Variants in PTBP2 observed in about 807,000 individuals in gnomAD.
PTBP2 encodes the protein polypyrimidine tract-binding protein 2.
In PTBP2, 13 loss-of-function variants were observed where a neutral mutation model predicts 61.4. The ratio of observed to expected loss-of-function variants is 0.21; its 90% confidence interval spans 0.14 to 0.34. PTBP2 has a LOEUF of 0.34. PTBP2 is among the 10% of genes least tolerant of loss of function. PTBP2 has a pLI of 1.00. For synonymous variants in PTBP2, 215 were observed against 218.5 expected (o/e 0.98, Z 0.14); for missense variants, 405 against 642.6 (o/e 0.63, Z 4.00).
chr1:96,762,911 C>G (rs1263504165), intron 3 of PTBP2, among the ~76,000 whole-genome samples: 1 of 150,626 alleles, frequency 6.6e-6, no homozygotes, highest in South Asian at 2.1e-4. Context: ...GGGTCGCGGC[C>G]GGGTAGAGGC....
intron 9 of PTBP2, 104 bp downstream of exon 9, chr1:96,805,043 C>T: frequency 1.1e-6 from 1 of 877,248 alleles, no homozygotes; most frequent in Non-Finnish European, 1.7e-6. Context: ...TATGTACATT[C>T]ATTAGTCAAA....
At chr1:96,732,684 G>C (rs1201278679) in intron 2 of PTBP2, among the ~76,000 whole-genome samples, 2 of 152,190 alleles carry the variant, frequency 1.3e-5, no homozygotes, top group Admixed American at 1.3e-4. Flanking sequence ...AGGAAAGATT[G>C]GTTTGGGTTG....
At chr1:96,748,064 C>T (rs919927211) in intron 2 of PTBP2, among the ~76,000 whole-genome samples, 1 of 152,102 alleles carries the variant, frequency 6.6e-6, no homozygotes, top group African/African-American at 2.4e-5. Flanking sequence ...CAGGAATACT[C>T]ACCTGGGTAC....
intron 8 of PTBP2, among the ~76,000 whole-genome samples, chr1:96,791,836 T>TTTTTTTTG (rs1553184761): frequency 4.3e-4 from 59 of 136,036 alleles, no homozygotes; most frequent in Non-Finnish European, 8.3e-4. Flanking sequence ...CTTTTTTTTT[T>TTTTTTTTG]TTTTTTTTTT....
At chr1:96,789,878 T>G (rs1209088044) in intron 8 of PTBP2, among the ~76,000 whole-genome samples, 1 of 152,122 alleles carries the variant, frequency 6.6e-6, no homozygotes, top group Non-Finnish European at 1.5e-5. Flanking sequence ...TTACATTTTC[T>G]TACCAAACCA....
intron 2 of PTBP2, among the ~76,000 whole-genome samples, chr1:96,738,758 A>G (rs758278934): frequency 6.6e-6 from 1 of 152,342 alleles, no homozygotes; most frequent in Admixed American, 6.5e-5. Flanking sequence ...TTAAATACCA[A>G]AATACCACTT....
intron 11 of PTBP2, among the ~76,000 whole-genome samples, chr1:96,808,835 T>C (rs966322599): frequency 1.3e-5 from 2 of 151,630 alleles, no homozygotes; most frequent in African/African-American, 4.8e-5. Flanking sequence ...ACGCATACAC[T>C]CCCACACAAA....
At chr1:96,802,231 A>G (rs943494849) in intron 8 of PTBP2, among the ~76,000 whole-genome samples, 1 of 151,004 alleles carries the variant, frequency 6.6e-6, no homozygotes, top group East Asian at 1.9e-4. Context: ...AAAAAAAAAA[A>G]AAGAACCCAC....
intron 3 of PTBP2, among the ~76,000 whole-genome samples, chr1:96,768,280 A>G (rs768224331): frequency 1.3e-5 from 2 of 152,100 alleles, no homozygotes; most frequent in Non-Finnish European, 2.9e-5. Context: ...AAACATTGCT[A>G]GACACATCCC....
intron 2 of PTBP2, among the ~76,000 whole-genome samples, chr1:96,728,360 G>A (rs572486628): frequency 6.6e-6 from 1 of 152,256 alleles, no homozygotes; most frequent in East Asian, 1.9e-4. Context: ...TTAATATTTT[G>A]AATATGGTAC....
chr1:96,795,178 AACTG>A (rs1281202359), intron 8 of PTBP2, among the ~76,000 whole-genome samples: 4 of 152,220 alleles, frequency 2.6e-5, no homozygotes, highest in African/African-American at 9.6e-5. Context: ...AGTTTTAAGA[AACTG>A]ACTGTGGCTC....
chr1:96,751,560 C>T (rs1450627216), intron 3 of PTBP2, 60 bp downstream of exon 3: 1 of 1,299,082 alleles, frequency 7.7e-7, no homozygotes, highest in Non-Finnish European at 1.1e-6. Context: ...AATGTTAAAA[C>T]TCAAATTTAA....
intron 3 of PTBP2, 70 bp downstream of exon 3, chr1:96,751,570 A>T (rs1654548630): frequency 1.8e-6 from 2 of 1,113,670 alleles, no homozygotes; most frequent in Non-Finnish European, 2.6e-6. Flanking sequence ...CTCAAATTTA[A>T]CCCTGTTATA....
chr1:96,791,826 C>CTTTTTTTTTTTTTTTTTT (rs1163642886), intron 8 of PTBP2, among the ~76,000 whole-genome samples: 3 of 66,124 alleles, frequency 4.5e-5, no homozygotes, highest in African/African-American at 2.5e-4. Context: ...TGGAGTTGTG[C>CTTTTTTTTTTTTTTTTTT]TTTTTTTTTT....
chr1:96,782,255 G>T (rs986562066), intron 7 of PTBP2, among the ~76,000 whole-genome samples: 1 of 151,832 alleles, frequency 6.6e-6, no homozygotes, highest in African/African-American at 2.4e-5. Context: ...CATATAAGTG[G>T]GTTGTTTCTT....
chr1:96,746,279 C>T (rs1570763258), intron 2 of PTBP2, among the ~76,000 whole-genome samples: 1 of 152,036 alleles, frequency 6.6e-6, no homozygotes. Context: ...TTTATGTTCT[C>T]ACCAGTAGTG....
intron 3 of PTBP2, among the ~76,000 whole-genome samples, chr1:96,763,004 C>T (rs1465115822): frequency 1.3e-5 from 2 of 151,582 alleles, no homozygotes; most frequent in African/African-American, 4.8e-5. Context: ...AGACGCTCCT[C>T]ACTTCCTAGA....
At chr1:96,740,771 T>C (rs1385425349) in intron 2 of PTBP2, among the ~76,000 whole-genome samples, 1 of 151,964 alleles carries the variant, frequency 6.6e-6, no homozygotes, top group Non-Finnish European at 1.5e-5. Context: ...TGTTCAGTGT[T>C]ATTTTTGTTA....
chr1:96,722,030 T>G (rs1465276187), intron 1 of PTBP2, among the ~76,000 whole-genome samples, 158 bp downstream of exon 1: 1 of 151,598 alleles, frequency 6.6e-6, no homozygotes, highest in Non-Finnish European at 1.5e-5. Flanking sequence ...TCCCTTTGCT[T>G]CCCCCGGCGG....
Sources: allele counts gnomAD v4.1 joint callset (sites outside exome capture counted in the v4.1 genomes callset), GRCh38; gene constraint gnomAD v4.1.1; transcripts MANE v1.5; gene names NCBI Gene and HGNC (gene_info 2026-07-23, HGNC 2026-07-21).